Variants in FBXL7 observed in about 807,000 individuals in gnomAD.
FBXL7 encodes the protein F-box and leucine rich repeat protein 7.
FBXL7 carries 12 observed loss-of-function variants against 38.3 expected under a neutral mutation model. That is an observed-to-expected ratio of 0.31 (90% CI 0.20 to 0.51). The LOEUF (loss-of-function observed/expected upper bound fraction) is 0.51. FBXL7 is among the 20% of genes least tolerant of loss of function. FBXL7 has a pLI of 0.98. For missense variants in FBXL7, 567 were observed against 676.4 expected, an observed-to-expected ratio of 0.84 and a Z score of 1.79; for synonymous variants, 297 against 300.9, an observed-to-expected ratio of 0.99 and a Z score of 0.13.
chr5:15,640,670 C>G (rs542442861), intron 2 of FBXL7, among the ~76,000 whole-genome samples: 5 of 151,864 alleles, frequency 3.3e-5, no homozygotes, highest in Non-Finnish European at 7.4e-5. Flanking sequence ...ATTACAGGTG[C>G]GTGCCACCAC....
At chr5:15,746,842 T>G (rs1463810096) in intron 2 of FBXL7, among the ~76,000 whole-genome samples, 1 of 152,108 alleles carries the variant, frequency 6.6e-6, no homozygotes, top group African/African-American at 2.4e-5. Context: ...GAAAACAAAA[T>G]TTAAGGAAAA....
intron 2 of FBXL7, among the ~76,000 whole-genome samples, chr5:15,620,230 C>CTTTTTT (rs796293132): frequency 2.2e-5 from 3 of 134,142 alleles, no homozygotes; most frequent in Non-Finnish European, 3.2e-5. Flanking sequence ...TTCTTTTTTT[C>CTTTTTT]TTTTTTTTTT....
At position 15,855,269 on chromosome 5, in the gene FBXL7, G is replaced by A. The variant is rs563006229; in HGVS notation, c.128-72621G>A. Among the ~76,000 whole-genome samples, 14 of 152,198 alleles carry A rather than the reference G, an allele frequency of 9.2e-5. 1 individual carries two copies. Among genetic ancestry groups the A allele is most frequent in the African/African-American group, 3.4e-4 (14 of 41,556 alleles). On this transcript the variant is annotated intron_variant, in intron 2 of 3. Transcript: ENST00000504595. ...AATGTGTAAAATATAAAAAAGCTCA[G>A]AAGAAATTTACTTGTAATTTTACAT...
intron 2 of FBXL7, among the ~76,000 whole-genome samples, chr5:15,833,079 C>T (rs1001319093): frequency 1.3e-5 from 2 of 152,312 alleles, no homozygotes; most frequent in African/African-American, 4.8e-5. Context: ...GAAGCCTCCC[C>T]AGCCATGTGG....
chr5:15,791,085 T>G, intron 2 of FBXL7, among the ~76,000 whole-genome samples: 1 of 114,046 alleles, frequency 8.8e-6, no homozygotes, highest in Admixed American at 8.2e-5. Context: ...GGGGGGGGGT[T>G]ATTGCATGTA....
intron 1 of FBXL7, among the ~76,000 whole-genome samples, chr5:15,515,862 A>G (rs1736921416): frequency 6.6e-6 from 1 of 152,004 alleles, no homozygotes. Context: ...ATTACACTCA[A>G]ATAACATTCC....
intron 2 of FBXL7, among the ~76,000 whole-genome samples, chr5:15,748,767 A>G (rs1033428407): frequency 3.3e-5 from 5 of 152,146 alleles, no homozygotes; most frequent in African/African-American, 1.2e-4. Flanking sequence ...CAGTGATGCA[A>G]TCATAGCTCA....
chr5:15,918,009 C>T lies in FBXL7; in HGVS notation c.128-9881C>T, dbSNP rs143686972. On this transcript the variant is annotated intron_variant, in intron 2 of 3. Transcript: ENST00000504595. ...ATCCCAGCACTTTGGGAGGCTGAGG[C>T]GGGCAGATCACTTGAGGTCAGGAGT... Among the ~76,000 whole-genome samples the T allele has an allele frequency of 9.6e-3, 1,465 of 152,070 alleles. 19 individuals are homozygous for T. The highest frequency in any genetic ancestry group is 0.032 in the African/African-American group (1,327 of 41,466).
chr5:15,577,814 T>G (rs1468278497), intron 1 of FBXL7, among the ~76,000 whole-genome samples: 1 of 152,230 alleles, frequency 6.6e-6, no homozygotes, highest in Non-Finnish European at 1.5e-5. Context: ...TGCTTTAATC[T>G]GTGGTCATGT....
chr5:15,686,233 C>G (rs1372592945), intron 2 of FBXL7, among the ~76,000 whole-genome samples: 1 of 152,140 alleles, frequency 6.6e-6, no homozygotes, highest in East Asian at 1.9e-4. Flanking sequence ...CTGTCCTGCA[C>G]TTGTTTTGTA....
At chr5:15,604,006 C>T (rs948297239) in intron 1 of FBXL7, among the ~76,000 whole-genome samples, 1 of 152,136 alleles carries the variant, frequency 6.6e-6, no homozygotes, top group African/African-American at 2.4e-5. Context: ...GCATAAGGTG[C>T]ATGCCTGTAA....
At chr5:15,746,314 A>C (rs1219698733) in intron 2 of FBXL7, among the ~76,000 whole-genome samples, 2 of 152,192 alleles carry the variant, frequency 1.3e-5, no homozygotes, top group Non-Finnish European at 2.9e-5. Context: ...TGAGCCTGGA[A>C]CACAAAGGGG....
intron 1 of FBXL7, among the ~76,000 whole-genome samples, chr5:15,589,547 C>A (rs1739408955): frequency 6.6e-6 from 1 of 152,138 alleles, no homozygotes; most frequent in Non-Finnish European, 1.5e-5. Flanking sequence ...AACCTCTTTT[C>A]TTTATAAACT....
At chr5:15,586,301 C>T (rs1014946314) in intron 1 of FBXL7, among the ~76,000 whole-genome samples, 27 of 119,426 alleles carry the variant, frequency 2.3e-4, no homozygotes, top group African/African-American at 7.5e-4. Context: ...CTCTCTCTCT[C>T]CCCCCTCACC....
intron 2 of FBXL7, among the ~76,000 whole-genome samples, chr5:15,635,561 A>G (rs1387188944): frequency 6.6e-6 from 1 of 152,146 alleles, no homozygotes; most frequent in African/African-American, 2.4e-5. Context: ...TTTAATTTAT[A>G]GAGTGGATGG....
At chr5:15,691,618 C>T (rs1438314797) in intron 2 of FBXL7, among the ~76,000 whole-genome samples, 1 of 152,132 alleles carries the variant, frequency 6.6e-6, no homozygotes, top group South Asian at 2.1e-4. Context: ...TTACCTTTTG[C>T]CCACTTTTCT....
At chr5:15,669,129 C>T (rs557203730) in intron 2 of FBXL7, among the ~76,000 whole-genome samples, 12 of 152,168 alleles carry the variant, frequency 7.9e-5, no homozygotes, top group East Asian at 3.9e-4. Flanking sequence ...CCAGTGTTCA[C>T]GCTCGAATTT....
chr5:15,653,578 A>C (rs1741777666), intron 2 of FBXL7, among the ~76,000 whole-genome samples: 1 of 152,170 alleles, frequency 6.6e-6, no homozygotes, highest in South Asian at 2.1e-4. Context: ...ACTAGTTACC[A>C]GTTATCAAAT....
At chr5:15,515,505 A>T (rs1430047321) in intron 1 of FBXL7, among the ~76,000 whole-genome samples, 1 of 152,202 alleles carries the variant, frequency 6.6e-6, no homozygotes, top group Non-Finnish European at 1.5e-5. Flanking sequence ...TGGAAAACAG[A>T]TACCTCAATC....
Sources: allele counts gnomAD v4.1 joint callset (sites outside exome capture counted in the v4.1 genomes callset), GRCh38; gene constraint gnomAD v4.1.1; transcripts MANE v1.5; gene names NCBI Gene and HGNC (gene_info 2026-07-23, HGNC 2026-07-21).